Variants in CDH20 observed in about 807,000 individuals in gnomAD.
CDH20 encodes the protein cadherin-20.
Under a neutral mutation model 74.2 loss-of-function variants are expected in CDH20, and 29 were observed. That is an observed-to-expected ratio of 0.39 (90% CI 0.29 to 0.53). CDH20 has a LOEUF of 0.53. Among genes scored for constraint, CDH20 ranks in the 20% least tolerant of loss-of-function variants. The pLI is 0.69. For missense variants in CDH20, 988 were observed against 1,048.3 expected (o/e 0.94, Z 0.79); for synonymous variants, 469 against 405.4 (o/e 1.16, Z -1.88).
chr18:61,463,899 C>T (rs941416968), intron 1 of CDH20, among the ~76,000 whole-genome samples: 10 of 152,108 alleles, frequency 6.6e-5, no homozygotes, highest in Non-Finnish European at 1.0e-4. Flanking sequence ...GAGAATTCTG[C>T]ATCTTTAGAA....
At chr18:61,524,588 A>C (rs1912320766) in intron 6 of CDH20, among the ~76,000 whole-genome samples, 1 of 152,230 alleles carries the variant, frequency 6.6e-6, no homozygotes, top group Non-Finnish European at 1.5e-5. Flanking sequence ...ACTGTTGTGC[A>C]TCCATACAAC....
At chr18:61,377,508 G>A (rs753330085) in intron 1 of CDH20, among the ~76,000 whole-genome samples, 6 of 151,648 alleles carry the variant, frequency 4.0e-5, no homozygotes, top group Non-Finnish European at 8.8e-5. Flanking sequence ...ATTGTCCACC[G>A]AGAGCCCAAT....
At chr18:61,388,387 T>C (rs1911670460) in intron 1 of CDH20, among the ~76,000 whole-genome samples, 1 of 152,234 alleles carries the variant, frequency 6.6e-6, no homozygotes, top group Non-Finnish European at 1.5e-5. Flanking sequence ...CTTGATTAAC[T>C]TTTAATTTCT....
intron 10 of CDH20, 123 bp downstream of exon 10, chr18:61,545,267 T>C: frequency 3.0e-6 from 2 of 669,852 alleles, no homozygotes; most frequent in Non-Finnish European, 5.2e-6. Flanking sequence ...AGGATGTTAA[T>C]AATTCAGTGT....
chr18:61,491,116 G>T (rs1425231277), intron 2 of CDH20, among the ~76,000 whole-genome samples: 1 of 152,198 alleles, frequency 6.6e-6, no homozygotes, highest in Non-Finnish European at 1.5e-5. Flanking sequence ...TGACAGAATG[G>T]GTGAGAGGGA....
At chr18:61,343,349 G>T (rs560331057) in intron 1 of CDH20, among the ~76,000 whole-genome samples, 1 of 152,268 alleles carries the variant, frequency 6.6e-6, no homozygotes, top group Admixed American at 6.5e-5. Context: ...ATTAGATGAA[G>T]AAATGGGGTC....
At chr18:61,369,830 C>T (rs1417776021) in intron 1 of CDH20, among the ~76,000 whole-genome samples, 1 of 152,122 alleles carries the variant, frequency 6.6e-6, no homozygotes, top group Non-Finnish European at 1.5e-5. Flanking sequence ...CCAAATACCA[C>T]ATGTCCTCAC....
intron 7 of CDH20, among the ~76,000 whole-genome samples, 169 bp downstream of exon 7, chr18:61,528,389 C>T (rs942633998): frequency 6.8e-6 from 1 of 147,522 alleles, no homozygotes. Context: ...AATAACATGG[C>T]CTTGCCAGGT....
chr18:61,530,377 T>C (rs938845522), intron 7 of CDH20, among the ~76,000 whole-genome samples: 5 of 152,254 alleles, frequency 3.3e-5, no homozygotes, highest in Admixed American at 6.5e-5. Flanking sequence ...ATCCTTATTT[T>C]TCATATTAAA....
chr18:61,440,074 T>C (rs1206734164), intron 1 of CDH20, among the ~76,000 whole-genome samples: 1 of 152,154 alleles, frequency 6.6e-6, no homozygotes, highest in Non-Finnish European at 1.5e-5. Context: ...CTGTAGCCAA[T>C]GATGGTTACT....
intron 6 of CDH20, among the ~76,000 whole-genome samples, chr18:61,527,624 G>A (rs536816601): frequency 6.6e-6 from 1 of 152,244 alleles, no homozygotes; most frequent in African/African-American, 2.4e-5. Flanking sequence ...GGAGTGAGGG[G>A]ATTCCTGGGA....
intron 3 of CDH20, among the ~76,000 whole-genome samples, chr18:61,499,716 A>C (rs903345477): frequency 6.6e-6 from 1 of 152,346 alleles, no homozygotes; most frequent in East Asian, 1.9e-4. Flanking sequence ...TAAGCCTATT[A>C]ATGTTTTTTA....
At chr18:61,475,654 TA>T (rs1910348311) in intron 1 of CDH20, among the ~76,000 whole-genome samples, 1 of 152,200 alleles carries the variant, frequency 6.6e-6, no homozygotes, top group African/African-American at 2.4e-5. Context: ...TATGAATAGA[TA>T]TCATTGATAT....
At chr18:61,368,414 C>T (rs951199836) in intron 1 of CDH20, among the ~76,000 whole-genome samples, 3 of 112,740 alleles carry the variant, frequency 2.7e-5, no homozygotes, top group African/African-American at 1.1e-4. Context: ...TAAAAGGAGA[C>T]TGTTGGAAGG....
chr18:61,470,814 C>T (rs573532315), intron 1 of CDH20, among the ~76,000 whole-genome samples: 3 of 151,870 alleles, frequency 2.0e-5, no homozygotes, highest in East Asian at 1.9e-4. Flanking sequence ...GATACTGAAA[C>T]GTGAAATTGA....
intron 1 of CDH20, among the ~76,000 whole-genome samples, chr18:61,478,580 G>A (rs7238904): frequency 0.44 from 66,483 of 151,828 alleles, 15,670 homozygotes; most frequent in East Asian, 0.52. Flanking sequence ...TTGTTTTTCC[G>A]TGTATTCTAC....
At chr18:61,408,987 A>C (rs1912413798) in intron 1 of CDH20, among the ~76,000 whole-genome samples, 1 of 152,222 alleles carries the variant, frequency 6.6e-6, no homozygotes, top group Non-Finnish European at 1.5e-5. Flanking sequence ...ACAACTTAAA[A>C]GTAAGCACAA....
At chr18:61,551,024 G>A (rs904863451) in intron 11 of CDH20, among the ~76,000 whole-genome samples, 2 of 152,192 alleles carry the variant, frequency 1.3e-5, no homozygotes, top group African/African-American at 4.8e-5. Flanking sequence ...CTCTGCTGAA[G>A]AAATAAGGAC....
intron 1 of CDH20, 33 bp from the exon 2 acceptor site, chr18:61,490,369 C>T (rs1414544247): frequency 1.0e-5 from 6 of 585,454 alleles, no homozygotes; most frequent in African/African-American, 5.6e-5. Context: ...AAGAATCTGA[C>T]ATCATCACAC....
Sources: allele counts gnomAD v4.1 joint callset (sites outside exome capture counted in the v4.1 genomes callset), GRCh38; gene constraint gnomAD v4.1.1; transcripts MANE v1.5; gene names NCBI Gene and HGNC (gene_info 2026-07-23, HGNC 2026-07-21).